Variants in GRK5 observed in about 807,000 individuals in gnomAD.
GRK5 encodes G protein-coupled receptor kinase 5, also known as g protein-coupled receptor kinase GRK5.
GRK5 carries 40 observed loss-of-function variants against 78.4 expected under a neutral mutation model. The ratio of observed to expected loss-of-function variants is 0.51; its 90% confidence interval spans 0.40 to 0.66. The LOEUF (loss-of-function observed/expected upper bound fraction) is 0.66. GRK5 is among the 30% of genes least tolerant of loss of function. The pLI is 0.00. For synonymous variants in GRK5, 289 were observed against 296.8 expected (o/e 0.97, Z 0.27); for missense variants, 598 against 759.9 (o/e 0.79, Z 2.50).
At chr10:119,234,041 C>T (rs1041097080) in intron 1 of GRK5, among the ~76,000 whole-genome samples, 3 of 152,216 alleles carry the variant, frequency 2.0e-5, no homozygotes, top group South Asian at 2.1e-4. Flanking sequence ...TATCTGTGAA[C>T]GTATGATATA....
At position 119,291,508 on chromosome 10, in the gene GRK5, G is replaced by GCCT. The variant is rs1294494400; in HGVS notation, c.53-34994_53-34992dup. ...GAGCCAGGAAGGAACTGCTGCTGCT[G>GCCT]CCTCCTCCTCCTCCTCTTCCTCCTC... is the stretch of plus-strand genomic sequence containing the variant. On this transcript the variant is annotated intron_variant, in intron 1 of 15. Coordinates refer to ENST00000392870, the MANE Select transcript of GRK5 (RefSeq NM_005308.3). 2.2e-5 allele frequency among the ~76,000 whole-genome samples: 3 copies of GCCT among 134,286 alleles called. No individual in the cohort carries two copies. In the South Asian group the frequency reaches 7.2e-4, roughly 32 times the overall value. The allele number at this position is 134,286 out of a possible 152,430, so 88.1% of individuals were successfully genotyped here. A position where few individuals can be genotyped will look rare whatever the true frequency, so the allele number is the denominator to read the frequency against.
chr10:119,324,034 C>T (rs1462448955), intron 1 of GRK5, among the ~76,000 whole-genome samples: 3 of 152,226 alleles, frequency 2.0e-5, no homozygotes, highest in Non-Finnish European at 4.4e-5. Context: ...TGGCTTGCAG[C>T]TTTTCTGGGA....
At chr10:119,297,378 G>A (rs946898263) in intron 1 of GRK5, among the ~76,000 whole-genome samples, 29 of 152,162 alleles carry the variant, frequency 1.9e-4, no homozygotes, top group Admixed American at 1.9e-3. Context: ...TGGGAGCCCT[G>A]ACAGCCTGCA....
In GRK5 at chr10:119,457,346, C is replaced by G. The variant is rs1156858652; in HGVS notation, c.*2279C>G. 6.6e-6 allele frequency: 1 copy of G among 152,194 alleles called. No individual in the cohort carries two copies. The highest frequency in any genetic ancestry group is 1.5e-5 in the Non-Finnish European group (1 of 68,082). The allele number at this position is 152,194 out of a possible 1,614,324, so 9.4% of individuals were successfully genotyped here. A position where few individuals can be genotyped will look rare whatever the true frequency, so the allele number is the denominator to read the frequency against. The stretch of plus-strand genomic sequence containing the variant: ...GCCCTGTCCGTTTGCAGTAGAGAAT[C>G]CCCAGGGAGCAAGAAAGATGACAGA... On this transcript the variant is annotated 3_prime_UTR_variant, in exon 16 of 16. Transcript: ENST00000392870.
chr10:119,458,256 T>G lies in GRK5; in HGVS notation c.*3189T>G, dbSNP rs918428419. ...CTGCATTTCAGGAGATGAGCTGCTG[T>G]CCCTGGTGGACAGAGGCGGTCTCTG... On this transcript the variant is annotated 3_prime_UTR_variant, in exon 16 of 16. Transcript: ENST00000392870. 1.3e-5 allele frequency: 2 copies of G among 152,220 alleles called. No individual in the cohort carries two copies. Among genetic ancestry groups the G allele is most frequent in the African/African-American group, 4.8e-5 (2 of 41,440 alleles). The allele number at this position is 152,220 out of a possible 1,614,324, so 9.4% of individuals were successfully genotyped here.
chr10:119,357,330 CAAA>C (rs941567818), intron 2 of GRK5, among the ~76,000 whole-genome samples: 4 of 152,206 alleles, frequency 2.6e-5, no homozygotes, highest in Admixed American at 2.6e-4. Context: ...AGGTGCCTTC[CAAA>C]GGGCCTGTGT....
intron 1 of GRK5, among the ~76,000 whole-genome samples, chr10:119,291,366 A>G (rs1849950786): frequency 6.6e-6 from 1 of 152,070 alleles, no homozygotes; most frequent in Admixed American, 6.5e-5. Flanking sequence ...TTGGAAAAAC[A>G]GGTCTGGGTG....
At chr10:119,320,226 T>C (rs1436027201) in intron 1 of GRK5, among the ~76,000 whole-genome samples, 1 of 152,218 alleles carries the variant, frequency 6.6e-6, no homozygotes, top group African/African-American at 2.4e-5. Flanking sequence ...ACTCAGCAGA[T>C]ACTGTTTGGG....
chr10:119,215,161 T>C (rs191469654), intron 1 of GRK5, among the ~76,000 whole-genome samples: 9 of 152,334 alleles, frequency 5.9e-5, no homozygotes. Flanking sequence ...CTGTATGTTG[T>C]TATTTATACT....
At chr10:119,288,787 C>T (rs1849902306) in intron 1 of GRK5, among the ~76,000 whole-genome samples, 1 of 152,256 alleles carries the variant, frequency 6.6e-6, no homozygotes, top group African/African-American at 2.4e-5. Flanking sequence ...CCGGCCTCAG[C>T]CACTCCATTC....
chr10:119,412,240 A>T lies in GRK5; in HGVS notation c.340-10926A>T, dbSNP rs4752301. 0.58 allele frequency among the ~76,000 whole-genome samples: 88,098 copies of T among 151,940 alleles called. 26,296 individuals are homozygous for T. The highest frequency in any genetic ancestry group is 0.8 in the East Asian group (4,131 of 5,144). On this transcript the variant is annotated intron_variant, in intron 4 of 15. Coordinates refer to ENST00000392870, the MANE Select transcript of GRK5 (RefSeq NM_005308.3). This position sits in a 1 kb window ranked among gnomAD's most constrained non-coding sequence, Gnocchi z 4.3. ...TTGAACTCAAAAGAGGCACAGTGAGAGCCTTCCAGCCTCGATCACAAGGAC... is the reference window on the plus strand; with the variant it reads ...TTGAACTCAAAAGAGGCACAGTGAGTGCCTTCCAGCCTCGATCACAAGGAC...
At chr10:119,360,909 A>G (rs1453316144) in intron 2 of GRK5, among the ~76,000 whole-genome samples, 2 of 152,070 alleles carry the variant, frequency 1.3e-5, no homozygotes, top group Admixed American at 6.5e-5. Context: ...CTCTGGTGGG[A>G]AACGGTGGTT....
At chr10:119,421,053 T>G (rs928570) in intron 4 of GRK5, among the ~76,000 whole-genome samples, 57,187 of 151,824 alleles carry the variant, frequency 0.38, 12,352 homozygotes, top group Admixed American at 0.48. Context: ...TGGCCCACCC[T>G]GCTGGCATCT....
At chr10:119,383,669 T>G (rs1851748920) in intron 3 of GRK5, among the ~76,000 whole-genome samples, 1 of 152,264 alleles carries the variant, frequency 6.6e-6, no homozygotes, top group Admixed American at 6.5e-5. Flanking sequence ...GTAGTCATTA[T>G]CCTGACTGAT....
At chr10:119,385,422 G>T (rs751709005) in intron 3 of GRK5, among the ~76,000 whole-genome samples, 4 of 152,074 alleles carry the variant, frequency 2.6e-5, no homozygotes, top group Non-Finnish European at 5.9e-5. Context: ...GCACCACCAT[G>T]CCCATCTGTG....
At chr10:119,288,365 GT>G (rs1849894112) in intron 1 of GRK5, among the ~76,000 whole-genome samples, 1 of 152,220 alleles carries the variant, frequency 6.6e-6, no homozygotes, top group African/African-American at 2.4e-5. Context: ...CCAGGACCTT[GT>G]CTGTCTTGCT....
At chr10:119,407,225 A>G (rs1852257340) in intron 4 of GRK5, among the ~76,000 whole-genome samples, 1 of 152,150 alleles carries the variant, frequency 6.6e-6, no homozygotes, top group East Asian at 1.9e-4. Context: ...AGCACCATGG[A>G]GCTGAGCTAA....
At chr10:119,225,330 T>C (rs976316289) in intron 1 of GRK5, among the ~76,000 whole-genome samples, 3 of 152,196 alleles carry the variant, frequency 2.0e-5, no homozygotes, top group African/African-American at 7.2e-5. Context: ...AAACAGTAAG[T>C]AAATATTGTT....
chr10:119,219,948 GA>G (rs542383791), intron 1 of GRK5, among the ~76,000 whole-genome samples: 61 of 152,306 alleles, frequency 4.0e-4, no homozygotes, highest in African/African-American at 1.4e-3. Context: ...CAAATGGAAA[GA>G]AAAGAGGAAG....
Sources: gnomAD v4.1 joint callset for allele counts (sites outside exome capture counted in the v4.1 genomes callset) on GRCh38, gnomAD v4.1.1 for gene constraint, Gnocchi (gnomAD v3.1) non-coding constraint, MANE v1.5 for transcripts, NCBI Gene and HGNC (gene_info 2026-07-23, HGNC 2026-07-21) for gene names.